The following VPS13B variants were observed in gnomAD, a reference collection of about 807,000 sequenced individuals.
VPS13B encodes the protein intermembrane lipid transfer protein VPS13B.
Under a neutral mutation model 426.4 loss-of-function variants are expected in VPS13B, and 285 were observed. That is an observed-to-expected ratio of 0.67 (90% CI 0.61 to 0.74). The LOEUF (loss-of-function observed/expected upper bound fraction) is 0.74. VPS13B is among the 30% of genes least tolerant of loss of function. VPS13B has a pLI of 0.00. For synonymous variants in VPS13B, 1,676 were observed against 1,676.4 expected, an observed-to-expected ratio of 1.00 and a Z score of 0.01; for missense variants, 4,537 against 4,782.6, an observed-to-expected ratio of 0.95 and a Z score of 1.51.
chr8:99,483,251 C>G lies in VPS13B; in HGVS notation c.3870+1449C>G, dbSNP rs142439686. Among the ~76,000 whole-genome samples, 519 of 152,174 alleles carry G rather than the reference C, an allele frequency of 3.4e-3. 4 individuals are homozygous for G. The highest frequency in any genetic ancestry group is 5.0e-3 in the Non-Finnish European group (339 of 67,968). On this transcript the variant is annotated intron_variant, in intron 25 of 61. Transcript: ENST00000357162. ...TCCAAATCTTAAGAATCACAGTAAC[C>G]TAGGTGATAAGATTATTCTTTCTCT...
chr8:99,785,638 A>G (rs1373865170), intron 43 of VPS13B, among the ~76,000 whole-genome samples: 1 of 152,104 alleles, frequency 6.6e-6, no homozygotes, highest in Non-Finnish European at 1.5e-5. Flanking sequence ...GAAGTATTTA[A>G]GTTGTTTTCC....
chr8:99,410,569 T>A (rs1278667186), intron 21 of VPS13B, among the ~76,000 whole-genome samples: 1 of 150,958 alleles, frequency 6.6e-6, no homozygotes, highest in Non-Finnish European at 1.5e-5. Context: ...TTTATTTATT[T>A]ATTTATTATT....
intron 3 of VPS13B, among the ~76,000 whole-genome samples, chr8:99,041,668 AG>A: frequency 6.6e-6 from 1 of 152,308 alleles, no homozygotes; most frequent in South Asian, 2.1e-4. Context: ...CCTGGCTAAC[AG>A]GGTGAAAACC....
intron 29 of VPS13B, among the ~76,000 whole-genome samples, chr8:99,515,955 T>A (rs907166439): frequency 2.6e-5 from 4 of 152,152 alleles, no homozygotes; most frequent in Non-Finnish European, 5.9e-5. Context: ...TATGTATTGC[T>A]CATATCTTTA....
chr8:99,331,262 A>G (rs1254144646), intron 19 of VPS13B, among the ~76,000 whole-genome samples: 1 of 151,804 alleles, frequency 6.6e-6, no homozygotes, highest in Non-Finnish European at 1.5e-5. Flanking sequence ...AGAAAACCTT[A>G]CTTAAGGGAT....
intron 8 of VPS13B, among the ~76,000 whole-genome samples, chr8:99,128,910 C>T (rs993894449): frequency 5.3e-5 from 8 of 151,818 alleles, no homozygotes; most frequent in African/African-American, 7.2e-5. Context: ...GAGGCTGAGG[C>T]GGGCGGATCA....
At chr8:99,836,672 C>T (rs191421056) in intron 54 of VPS13B, among the ~76,000 whole-genome samples, 34 of 152,272 alleles carry the variant, frequency 2.2e-4, no homozygotes, top group African/African-American at 8.2e-4. Context: ...ATTAGTTCAT[C>T]TGGTCTTCAC....
At chr8:99,536,903 G>A (rs761467201) in intron 30 of VPS13B, 3 of 458,884 alleles carry the variant, frequency 6.5e-6, no homozygotes, top group South Asian at 4.7e-5. Flanking sequence ...AAAGTAACAT[G>A]CATAGAGTTA....
At chr8:99,237,728 A>C (rs182911519) in intron 17 of VPS13B, among the ~76,000 whole-genome samples, 1 of 152,180 alleles carries the variant, frequency 6.6e-6, no homozygotes, top group East Asian at 1.9e-4. Context: ...AAATTAGAGA[A>C]ATCACCACTA....
chr8:99,817,824 T>C, intron 45 of VPS13B, 21 bp downstream of exon 45: 4 of 1,613,980 alleles, frequency 2.5e-6, no homozygotes, highest in Non-Finnish European at 3.4e-6. Flanking sequence ...ACGTTCAATC[T>C]AGAATAGAGC....
intron 35 of VPS13B, among the ~76,000 whole-genome samples, chr8:99,669,497 T>TTTTTATAAA (rs1830620131): frequency 6.6e-6 from 1 of 152,222 alleles, no homozygotes; most frequent in Non-Finnish European, 1.5e-5. Context: ...TCATTTATGT[T>TTTTTATAAA]TTATTATAAA....
At chr8:99,014,119 T>TTTTC (rs1483226283) in intron 2 of VPS13B, among the ~76,000 whole-genome samples, 184 bp downstream of exon 2, 1 of 129,092 alleles carries the variant, frequency 7.7e-6, no homozygotes, top group African/African-American at 2.9e-5. Flanking sequence ...TCTTTTTTTT[T>TTTTC]TTTTTTTTTT....
chr8:99,028,635 T>C (rs111257272), intron 2 of VPS13B, among the ~76,000 whole-genome samples: 3 of 80,228 alleles, frequency 3.7e-5, no homozygotes, highest in Admixed American at 1.3e-4. Context: ...CCCCCCCACC[T>C]CCCTCCCGGA....
At chr8:99,683,332 T>C (rs920375079) in intron 35 of VPS13B, among the ~76,000 whole-genome samples, 1 of 152,208 alleles carries the variant, frequency 6.6e-6, no homozygotes, top group African/African-American at 2.4e-5. Context: ...GTTATTCTTG[T>C]TCCTTTGCTT....
chr8:99,092,926 A>C (rs1191338500), intron 3 of VPS13B, among the ~76,000 whole-genome samples: 1 of 151,240 alleles, frequency 6.6e-6, no homozygotes, highest in Non-Finnish European at 1.5e-5. Flanking sequence ...TTTGCAGGGA[A>C]GCTTTACTCA....
intron 13 of VPS13B, among the ~76,000 whole-genome samples, chr8:99,145,453 T>C (rs947354156): frequency 2.0e-5 from 3 of 152,130 alleles, no homozygotes; most frequent in African/African-American, 7.2e-5. Context: ...CCCACTTCCC[T>C]ACCATGTTCC....
At chr8:99,215,020 T>C (rs1019228614) in intron 17 of VPS13B, among the ~76,000 whole-genome samples, 1 of 152,188 alleles carries the variant, frequency 6.6e-6, no homozygotes, top group African/African-American at 2.4e-5. Context: ...ACCTTAAATG[T>C]CAGTTCCTCA....
intron 3 of VPS13B, 58 bp from the exon 4 acceptor site, chr8:99,096,254 T>C: frequency 6.3e-7 from 1 of 1,599,374 alleles, no homozygotes; most frequent in Non-Finnish European, 8.5e-7. Context: ...AAAATTTTTT[T>C]TCTTAATTCT....
chr8:99,072,382 T>C (rs1390187608), intron 3 of VPS13B, among the ~76,000 whole-genome samples: 2 of 152,168 alleles, frequency 1.3e-5, no homozygotes, highest in African/African-American at 2.4e-5. Context: ...ATCTGGCAGC[T>C]AGGGCCTGGA....
Sources: gnomAD v4.1 joint callset for allele counts (sites outside exome capture counted in the v4.1 genomes callset) on GRCh38, gnomAD v4.1.1 for gene constraint, MANE v1.5 for transcripts, NCBI Gene and HGNC (gene_info 2026-07-23, HGNC 2026-07-21) for gene names.